The following FAM124A variants were observed in gnomAD, a reference collection of about 807,000 sequenced individuals.
The protein encoded by FAM124A is protein FAM124A.
In FAM124A, 23 loss-of-function variants were observed where a neutral mutation model predicts 24.5. The observed-to-expected ratio is 0.94, with a 90% CI of 0.68 to 1.33. The LOEUF is 1.33. Ranked by LOEUF, FAM124A falls within the 40% of genes most tolerant of loss-of-function variation. FAM124A has a pLI of 0.00. For synonymous variants in FAM124A, 287 were observed against 314.7 expected (o/e 0.91, Z 0.93); for missense variants, 623 against 722.8 (o/e 0.86, Z 1.58).
At chr13:51,261,553 G>A (rs1312807503) in intron 3 of FAM124A, among the ~76,000 whole-genome samples, 2 of 152,162 alleles carry the variant, frequency 1.3e-5, no homozygotes, top group Non-Finnish European at 2.9e-5. Context: ...GAAAAAAGAA[G>A]TGAACTATGA....
At chr13:51,232,173 A>G (rs560194014) in intron 2 of FAM124A, among the ~76,000 whole-genome samples, 1 of 152,346 alleles carries the variant, frequency 6.6e-6, no homozygotes, top group East Asian at 1.9e-4. Flanking sequence ...TGGTTATTAA[A>G]AAGGTGCTTA....
intron 3 of FAM124A, among the ~76,000 whole-genome samples, chr13:51,275,316 T>C (rs1954876577): frequency 6.6e-6 from 1 of 152,098 alleles, no homozygotes; most frequent in Non-Finnish European, 1.5e-5. Context: ...AGTTTGAGGC[T>C]GCAATAAGCT....
intron 3 of FAM124A, among the ~76,000 whole-genome samples, chr13:51,254,826 C>T (rs193179663): frequency 3.3e-5 from 5 of 152,230 alleles, no homozygotes; most frequent in African/African-American, 9.6e-5. Context: ...TCTCCTTATA[C>T]GTTTTTGTTT....
chr13:51,232,611 T>G (rs1954390077), intron 2 of FAM124A, among the ~76,000 whole-genome samples: 1 of 152,226 alleles, frequency 6.6e-6, no homozygotes, highest in African/African-American at 2.4e-5. Flanking sequence ...GGAGACCAAA[T>G]GTTGCCCCTT....
chr13:51,262,442 A>G (rs1302039475), intron 3 of FAM124A, among the ~76,000 whole-genome samples: 2 of 152,098 alleles, frequency 1.3e-5, no homozygotes, highest in Non-Finnish European at 2.9e-5. Context: ...ATTTTGGTAC[A>G]TTTTCATCTG....
intron 3 of FAM124A, among the ~76,000 whole-genome samples, chr13:51,265,735 C>T (rs981980613): frequency 6.6e-6 from 1 of 151,918 alleles, no homozygotes; most frequent in Non-Finnish European, 1.5e-5. Context: ...TTGAAATGCA[C>T]AGAGGCGGCT....
rs1406192121 is a variant in FAM124A, at chr13:51,272,568, C to T, written c.835-7882C>T. ...CTATTTTTGTAAATAAAGCCTTATA[C>T]ACACACACACACACACACACACACA... On this transcript the variant is annotated intron_variant, in intron 3 of 3. Transcript: ENST00000322475. This position sits in a 1 kb window ranked among gnomAD's most constrained non-coding sequence, Gnocchi z 4.2. Among the ~76,000 whole-genome samples the T allele has an allele frequency of 3.6e-5, 3 of 82,874 alleles. No homozygotes were observed. The highest frequency in any genetic ancestry group is 1.1e-4 in the Non-Finnish European group (3 of 26,218). The allele number at this position is 82,874 out of a possible 152,430, so 54.4% of individuals were successfully genotyped here. A position where few individuals can be genotyped will look rare whatever the true frequency, so the allele number is the denominator to read the frequency against.
Position 51,252,103 on chromosome 13 carries a change from A to G in FAM124A, c.736A>G (p.Ile246Val), listed in dbSNP as rs763860004. ...CGTGCTGGAGTTCCGAGTGAGGGAC[A>G]TAGGCGAGCTCGTGCCTCTCCTGCC... ...SSVLEFRVRDIGELVPLLPNP... is the reference protein window; with the variant it reads ...SSVLEFRVRDVGELVPLLPNP... The change falls in exon 3 of 4, where the codon ATA (isoleucine) becomes GTA (valine). Residue 246 changes from isoleucine (I) to valine (V), a missense_variant. By Grantham distance (29) the Ile-to-Val change is conservative. Coordinates refer to ENST00000322475, the MANE Select transcript of FAM124A (RefSeq NM_001242312.2). 1.2e-6 allele frequency: 2 copies of G among 1,614,098 alleles called. No homozygotes were observed. Among genetic ancestry groups the G allele is most frequent in the Non-Finnish European group, 1.7e-6 (2 of 1,180,032 alleles).
intron 3 of FAM124A, 141 bp downstream of exon 3, chr13:51,252,342 C>A: frequency 2.5e-6 from 3 of 1,192,242 alleles, no homozygotes; most frequent in Non-Finnish European, 3.4e-6. Flanking sequence ...TAGTCGAAGT[C>A]AAAGTGGCCA....
At chr13:51,276,835 A>G (rs1202525418) in intron 3 of FAM124A, among the ~76,000 whole-genome samples, 3 of 152,184 alleles carry the variant, frequency 2.0e-5, no homozygotes, top group Admixed American at 2.0e-4. Flanking sequence ...ACATTGTCAC[A>G]CTGCTCATGT....
chr13:51,238,776 C>A (rs1187530726), intron 2 of FAM124A, among the ~76,000 whole-genome samples: 1 of 152,160 alleles, frequency 6.6e-6, no homozygotes, highest in Non-Finnish European at 1.5e-5. Flanking sequence ...TCAGAGTCCT[C>A]TGAATGGGGG....
Position 51,272,521 on chromosome 13 carries a change from C to T in FAM124A, c.835-7929C>T, listed in dbSNP as rs901403145. ...ACAGGAGTCGACAAATTAAAGACCA[C>T]AGGCCAAATCTGGCCTGCCACCTAT... On this transcript the variant is annotated intron_variant, in intron 3 of 3. Transcript: ENST00000322475. The surrounding 1 kb of genome is among the most constrained non-coding windows in gnomAD (Gnocchi z 4.2). 3.5e-4 allele frequency among the ~76,000 whole-genome samples: 53 copies of T among 151,994 alleles called. No homozygotes were observed. Among genetic ancestry groups the T allele is most frequent in the Admixed American group, 3.4e-3 (52 of 15,246 alleles).
In FAM124A at chr13:51,280,427, G is replaced by A. The variant is rs753370185; in HGVS notation, c.835-23G>A. 4.5e-6 allele frequency: 7 copies of A among 1,554,886 alleles called. No individual in the cohort carries two copies. The Admixed American group carries it at 5.7e-5, about 13-fold the overall frequency. ...TTAACAATTCCCATCCTGCACTAAT[G>A]TGATCTGCCTCTCCCCCCACAGGCA... On this transcript the variant is annotated intron_variant, in intron 3 of 3. Transcript: ENST00000322475.
intron 2 of FAM124A, among the ~76,000 whole-genome samples, chr13:51,238,361 G>A (rs1954458007): frequency 1.3e-5 from 2 of 152,334 alleles, no homozygotes; most frequent in African/African-American, 2.4e-5. Flanking sequence ...AGTTTGAGGA[G>A]CACCGAGCTA....
At chr13:51,276,802 A>G (rs555886509) in intron 3 of FAM124A, among the ~76,000 whole-genome samples, 19 of 152,338 alleles carry the variant, frequency 1.2e-4, no homozygotes, top group African/African-American at 4.6e-4. Context: ...TAAAATGGCC[A>G]TCACGGGCTC....
At position 51,280,822 on chromosome 13, in the gene FAM124A, A is replaced by G. The variant is rs770210414; in HGVS notation, c.1207A>G (p.Ile403Val). ...SEWRHGHLLSIDDLEGAQETD... is the reference protein window; with the variant it reads ...SEWRHGHLLSVDDLEGAQETD... Reference sequence around the variant, plus strand: ...GTGGAGGCATGGCCACCTCCTCTCCATCGATGACCTAGAGGGGGCCCAGGA... The same window carrying G: ...GTGGAGGCATGGCCACCTCCTCTCCGTCGATGACCTAGAGGGGGCCCAGGA... Residue 403 changes from isoleucine (I) to valine (V), a missense_variant, in exon 4 of 4, where the codon ATC becomes GTC. Transcript: ENST00000322475. 1.9e-6 allele frequency: 3 copies of G among 1,614,118 alleles called. No homozygotes were observed. The highest frequency in any genetic ancestry group is 2.2e-5 in the South Asian group (2 of 91,088).
rs1029942717 is a variant in FAM124A, at chr13:51,272,563, T to TTA, written c.835-7884_835-7883dup. On this transcript the variant is annotated intron_variant, in intron 3 of 3. Transcript: ENST00000322475. The surrounding 1 kb of genome is among the most constrained non-coding windows in gnomAD (Gnocchi z 4.2). ...GCCACCTATTTTTGTAAATAAAGCC[T>TTA]TATACACACACACACACACACACAC... Among the ~76,000 whole-genome samples, 1 of 80,880 alleles carries TTA rather than the reference T, an allele frequency of 1.2e-5. No individual in the cohort carries two copies. Among genetic ancestry groups the TTA allele is most frequent in the Non-Finnish European group, 2.4e-5 (1 of 42,184 alleles). 53.1% of individuals were successfully genotyped at this position (80,880 alleles called of 152,430 possible).
Position 51,280,587 on chromosome 13 carries a change from C to A in FAM124A, c.972C>A (p.Asn324Lys). Residue 324 changes from asparagine to lysine, a missense_variant, in exon 4 of 4, where the codon AAC (asparagine) becomes AAA (lysine). Coordinates refer to ENST00000322475, the MANE Select transcript of FAM124A (RefSeq NM_001242312.2). ...GCAGCAGCCAGCAGTCCCCGCTCAACAGTCCTCACCCGGGGCCCATCCGGA... is the reference window on the plus strand; with the variant it reads ...GCAGCAGCCAGCAGTCCCCGCTCAAAAGTCCTCACCCGGGGCCCATCCGGA... Reference protein sequence around the residue: ...TPGSSQQSPLNSPHPGPIRTG... With the variant: ...TPGSSQQSPLKSPHPGPIRTG... 1.2e-6 allele frequency: 2 copies of A among 1,614,212 alleles called. No homozygotes were observed. The highest frequency in any genetic ancestry group is 4.5e-5 in the East Asian group (2 of 44,890).
At chr13:51,262,652 A>G (rs1056594448) in intron 3 of FAM124A, among the ~76,000 whole-genome samples, 2 of 152,168 alleles carry the variant, frequency 1.3e-5, no homozygotes, top group African/African-American at 2.4e-5. Flanking sequence ...CATTACGTTC[A>G]CTTTAAGGAA....
Sources: gnomAD v4.1 joint callset for allele counts (sites outside exome capture counted in the v4.1 genomes callset) on GRCh38, gnomAD v4.1.1 for gene constraint, Gnocchi (gnomAD v3.1) non-coding constraint, MANE v1.5 for transcripts, NCBI Gene and HGNC (gene_info 2026-07-23, HGNC 2026-07-21) for gene names.